PDZD2: variants seen among roughly 807,000 people sequenced by gnomAD.
PDZD2 encodes PDZ domain containing 2.
In PDZD2, 90 loss-of-function variants were observed where a neutral mutation model predicts 220.7. The ratio of observed to expected loss-of-function variants is 0.41; its 90% CI spans 0.34 to 0.49. The LOEUF is 0.49. Among genes scored for constraint, PDZD2 ranks in the 20% least tolerant of loss-of-function variants. PDZD2 has a pLI of 0.28. For synonymous variants in PDZD2, 1,375 were observed against 1,450.5 expected (o/e 0.95, Z 1.18); for missense variants, 3,174 against 3,608.5 (o/e 0.88, Z 3.08).
chr5:31,849,859 C>CAT lies in PDZD2; in HGVS notation c.476+50145_476+50146dup, dbSNP rs567911493. 9.4e-4 allele frequency among the ~76,000 whole-genome samples: 86 copies of CAT among 91,432 alleles called. 2 individuals are homozygous for CAT. The highest frequency in any genetic ancestry group is 4.8e-3 in the African/African-American group (81 of 16,830). The allele number at this position is 91,432 out of a possible 152,430, so 60.0% of individuals were successfully genotyped here. On this transcript the variant is annotated intron_variant, in intron 2 of 24. Coordinates refer to ENST00000438447, the MANE Select transcript of PDZD2 (RefSeq NM_178140.4). ...ACTCCATCTCTCTCTCTCTCTCTCT[C>CAT]ATATATATATACATATATATATATA...
At chr5:31,828,444 C>A (rs1756360535) in intron 2 of PDZD2, among the ~76,000 whole-genome samples, 1 of 152,150 alleles carries the variant, frequency 6.6e-6, no homozygotes, top group Non-Finnish European at 1.5e-5. Flanking sequence ...TGTTGAACAC[C>A]TTTTCATGTG....
intron 2 of PDZD2, among the ~76,000 whole-genome samples, chr5:31,972,634 A>G (rs1376304570): frequency 6.6e-6 from 1 of 152,226 alleles, no homozygotes; most frequent in East Asian, 1.9e-4. Flanking sequence ...GAGTGAGTGA[A>G]TTTGTAATGA....
At chr5:31,862,649 C>T (rs1475080214) in intron 2 of PDZD2, among the ~76,000 whole-genome samples, 1 of 151,882 alleles carries the variant, frequency 6.6e-6, no homozygotes, top group East Asian at 1.9e-4. Flanking sequence ...CAACCTCTGC[C>T]TCCCAGGTTC....
intron 2 of PDZD2, among the ~76,000 whole-genome samples, chr5:31,825,464 A>G (rs1376046558): frequency 6.6e-6 from 1 of 152,196 alleles, no homozygotes; most frequent in Non-Finnish European, 1.5e-5. Flanking sequence ...CAAGATCTCC[A>G]TGTCCTCATA....
rs201024873 is a variant in PDZD2, at chr5:32,089,761, T to C, written c.6313T>C (p.Cys2105Arg). Residue 2105 changes from cysteine to arginine, a missense_variant, in exon 20 of 25, where the codon TGT becomes CGT. Coordinates refer to ENST00000438447, the MANE Select transcript of PDZD2 (RefSeq NM_178140.4). ...ISAEAVSETV[C>R]GNKPAESDRR... The stretch of plus-strand genomic sequence containing the variant: ...TGCTGAAGCAGTGTCAGAGACTGTA[T>C]GTGGTAACAAGCCAGCTGAAAGCGA... 6.2e-6 allele frequency: 10 copies of C among 1,614,182 alleles called. No homozygotes were observed. Among genetic ancestry groups the C allele is most frequent in the East Asian group, 4.5e-5 (2 of 44,878 alleles).
chr5:32,030,043 A>T (rs746243635), intron 6 of PDZD2, among the ~76,000 whole-genome samples: 5 of 152,240 alleles, frequency 3.3e-5, no homozygotes, highest in Admixed American at 2.0e-4. Context: ...GTGTGTATTC[A>T]GTAGCTTCTT....
At chr5:32,055,871 G>C (rs759268078) in intron 10 of PDZD2, among the ~76,000 whole-genome samples, 1 of 152,194 alleles carries the variant, frequency 6.6e-6, no homozygotes, top group Non-Finnish European at 1.5e-5. Flanking sequence ...AATTCTAACA[G>C]AGCATTTTTA....
intron 2 of PDZD2, among the ~76,000 whole-genome samples, chr5:31,949,097 CAAA>C (rs34780210): frequency 9.3e-4 from 51 of 54,978 alleles, no homozygotes; most frequent in African/African-American, 3.7e-3. Flanking sequence ...GACTCTGTCT[CAAA>C]AAAAAAAAAA....
Position 31,672,296 on chromosome 5 carries a change from T to C in PDZD2, c.-361+32859T>C, listed in dbSNP as rs531543876. ...CTGAGAGTCTGCATTTCTGTTGCCCTCCTCGCCAAAGCTGCTACAGCCAAT... is the reference window on the plus strand; with the variant it reads ...CTGAGAGTCTGCATTTCTGTTGCCCCCCTCGCCAAAGCTGCTACAGCCAAT... On this transcript the variant is annotated intron_variant, in intron 1 of 24. Transcript: ENST00000438447. Among the ~76,000 whole-genome samples the C allele has an allele frequency of 2.0e-5, 3 of 152,302 alleles. No homozygotes were observed. In the East Asian group the frequency reaches 5.8e-4, roughly 29 times the overall value.
At chr5:31,737,273 C>A (rs1277538013) in intron 1 of PDZD2, among the ~76,000 whole-genome samples, 3 of 149,636 alleles carry the variant, frequency 2.0e-5, no homozygotes, top group Non-Finnish European at 4.4e-5. Context: ...CTCAGGTTCA[C>A]GCCATTCTCC....
intron 2 of PDZD2, among the ~76,000 whole-genome samples, chr5:31,866,986 G>T (rs907585769): frequency 6.6e-6 from 1 of 152,154 alleles, no homozygotes; most frequent in Non-Finnish European, 1.5e-5. Context: ...AGCCCAAAAG[G>T]TTCAGGGCTT....
Position 32,089,607 on chromosome 5 carries a change from T to A in PDZD2, c.6159T>A (p.Ser2053Arg). 1 of 1,612,562 alleles carries A rather than the reference T, an allele frequency of 6.2e-7. No individual in the cohort carries two copies. The highest frequency in any genetic ancestry group is 8.5e-7 in the Non-Finnish European group (1 of 1,179,870). ...TGTCCGTGGCAGGGAACAGACAGAG[T>A]GAGCCGCGCCTGGCCAGCCATGTGG... is the stretch of plus-strand genomic sequence containing the variant. ...NGMSVAGNRQSEPRLASHVAA... is the reference protein window; with the variant it reads ...NGMSVAGNRQREPRLASHVAA... Residue 2053 changes from serine to arginine, a missense_variant, in exon 20 of 25, where the codon AGT (serine) becomes AGA (arginine). Physicochemically the swap from Ser to Arg is moderately radical, Grantham distance 110. Transcript: ENST00000438447.
intron 2 of PDZD2, among the ~76,000 whole-genome samples, chr5:31,835,596 A>T (rs564829670): frequency 1.3e-4 from 19 of 149,796 alleles, no homozygotes; most frequent in African/African-American, 4.4e-4. Flanking sequence ...CAGCCTGGGC[A>T]ACAATAGTGA....
At chr5:31,652,235 C>T (rs1745381429) in intron 1 of PDZD2, among the ~76,000 whole-genome samples, 1 of 152,036 alleles carries the variant, frequency 6.6e-6, no homozygotes. Context: ...TCAAGTGATC[C>T]TTCCGCCTTG....
chr5:31,789,744 C>A (rs898933544), intron 1 of PDZD2, among the ~76,000 whole-genome samples: 2 of 152,156 alleles, frequency 1.3e-5, no homozygotes, highest in Non-Finnish European at 2.9e-5. Flanking sequence ...CGTGGTGAAA[C>A]CCCATCTCTA....
chr5:31,913,022 T>A (rs1226676184), intron 2 of PDZD2, among the ~76,000 whole-genome samples: 1 of 152,176 alleles, frequency 6.6e-6, no homozygotes, highest in African/African-American at 2.4e-5. Flanking sequence ...GCATCACATG[T>A]AGGCCCAAGA....
chr5:31,810,875 A>G (rs559738371), intron 2 of PDZD2, among the ~76,000 whole-genome samples: 1 of 152,368 alleles, frequency 6.6e-6, no homozygotes, highest in Admixed American at 6.5e-5. Context: ...GTAAACAGTT[A>G]TATAGATTTC....
At chr5:31,752,896 C>T (rs917322324) in intron 1 of PDZD2, among the ~76,000 whole-genome samples, 1 of 152,114 alleles carries the variant, frequency 6.6e-6, no homozygotes, top group Non-Finnish European at 1.5e-5. Flanking sequence ...TCTCAACGAT[C>T]ATACCCAGTC....
chr5:31,856,178 C>T, intron 2 of PDZD2, among the ~76,000 whole-genome samples: 1 of 152,214 alleles, frequency 6.6e-6, no homozygotes, highest in South Asian at 2.1e-4. Context: ...AGGGCCTCAT[C>T]TCGTCCCCAG....
Sources: allele counts gnomAD v4.1 joint callset (sites outside exome capture counted in the v4.1 genomes callset), GRCh38; gene constraint gnomAD v4.1.1; transcripts MANE v1.5; gene names NCBI Gene and HGNC (gene_info 2026-07-23, HGNC 2026-07-21).